PITPNM2: variants seen among roughly 807,000 people sequenced by gnomAD.
PITPNM2 encodes the protein phosphatidylinositol transfer protein membrane associated 2.
PITPNM2 carries 35 observed loss-of-function variants against 132.2 expected under a neutral mutation model. The ratio of observed to expected loss-of-function variants is 0.26; its 90% CI spans 0.20 to 0.35. The LOEUF is 0.35. Ranked by LOEUF, PITPNM2 falls within the 10% of genes least tolerant of loss-of-function variation. The pLI is 1.00. For missense variants in PITPNM2, 1,332 were observed against 1,912.0 expected, an observed-to-expected ratio of 0.70 and a Z score of 5.66; for synonymous variants, 738 against 799.2, an observed-to-expected ratio of 0.92 and a Z score of 1.29.
intron 23 of PITPNM2, 151 bp downstream of exon 23, chr12:122,987,130 G>A: frequency 8.8e-7 from 1 of 1,140,742 alleles, no homozygotes; most frequent in South Asian, 1.5e-5. Flanking sequence ...ATAATTGGGG[G>A]TGCTGGGCTC....
At chr12:123,047,126 G>A (rs1056293507) in intron 2 of PITPNM2, among the ~76,000 whole-genome samples, 51 of 152,176 alleles carry the variant, frequency 3.4e-4, no homozygotes, top group African/African-American at 1.2e-3. Context: ...AAATTTAAGC[G>A]GTATATTCCA....
rs979079312 is a variant in PITPNM2, at chr12:123,095,440, T to A, written c.-96+14945A>T. ...TACATCTCGATTTTACAGGCTCTGTTAAAGCGCAAAGATCTTTCAGGTACT... is the reference window on the plus strand; with the variant it reads ...TACATCTCGATTTTACAGGCTCTGTAAAAGCGCAAAGATCTTTCAGGTACT... On this transcript the variant is annotated intron_variant, in intron 2 of 25. Coordinates refer to ENST00000320201, the MANE Select transcript of PITPNM2 (RefSeq NM_020845.3). This position sits in a 1 kb window ranked among gnomAD's most constrained non-coding sequence, Gnocchi z 5.0. Among the ~76,000 whole-genome samples, 8 of 152,170 alleles carry A rather than the reference T, an allele frequency of 5.3e-5. No individual in the cohort carries two copies. The highest frequency in any genetic ancestry group is 1.2e-4 in the Non-Finnish European group (8 of 68,022).
At position 123,108,239 on chromosome 12, in the gene PITPNM2, C is replaced by A. The variant is rs796744377; in HGVS notation, c.-96+2146G>T. 1.4e-4 allele frequency among the ~76,000 whole-genome samples: 22 copies of A among 152,248 alleles called. No homozygotes were observed. The highest frequency in any genetic ancestry group is 5.3e-4 in the African/African-American group (22 of 41,542). ...ATACTTTATGGACAAATGAGTGGAG[C>A]AGAACAATTCCTGAAGACATTTTAG... On this transcript the variant is annotated intron_variant, in intron 2 of 25. Coordinates refer to ENST00000320201, the MANE Select transcript of PITPNM2 (RefSeq NM_020845.3). This position sits in a 1 kb window ranked among gnomAD's most constrained non-coding sequence, Gnocchi z 4.4.
chr12:122,994,773 C>T lies in PITPNM2; in HGVS notation c.2233+28G>A, dbSNP rs1442744866. On this transcript the variant is annotated intron_variant, in intron 15 of 25. Coordinates refer to ENST00000320201, the MANE Select transcript of PITPNM2 (RefSeq NM_020845.3). This position sits in a 1 kb window ranked among gnomAD's most constrained non-coding sequence, Gnocchi z 5.4. ...CGCCCCCGCACCCAGTGCATGTACC[C>T]CCCATCCTGCCCCTGCTGGGCTCTC... 6.3e-7 allele frequency: 1 copy of T among 1,597,554 alleles called. No individual in the cohort carries two copies. Among genetic ancestry groups the T allele is most frequent in the Non-Finnish European group, 8.5e-7 (1 of 1,174,606 alleles).
At chr12:123,057,031 G>A (rs1227654022) in intron 2 of PITPNM2, among the ~76,000 whole-genome samples, 1 of 152,172 alleles carries the variant, frequency 6.6e-6, no homozygotes, top group East Asian at 1.9e-4. Context: ...GTCTGAGTGT[G>A]TGTGAGAATT....
At chr12:123,081,251 A>T (rs920210928) in intron 2 of PITPNM2, 2 of 152,478 alleles carry the variant, frequency 1.3e-5, no homozygotes, top group Non-Finnish European at 2.9e-5. Flanking sequence ...AGGGAACAGC[A>T]TAGATACCAA....
At chr12:123,046,974 T>C (rs1311396313) in intron 2 of PITPNM2, among the ~76,000 whole-genome samples, 3 of 152,218 alleles carry the variant, frequency 2.0e-5, no homozygotes, top group South Asian at 2.1e-4. Flanking sequence ...TCAATTTATA[T>C]ACATATGCAC....
chr12:123,109,867 C>G (rs1366388513), intron 2 of PITPNM2, among the ~76,000 whole-genome samples: 2 of 152,208 alleles, frequency 1.3e-5, no homozygotes, highest in South Asian at 2.1e-4. Context: ...GGCAGAACAT[C>G]GGTCTTTCGT....
At chr12:123,147,614 G>A (rs979561916) in intron 1 of PITPNM2, among the ~76,000 whole-genome samples, 1 of 152,168 alleles carries the variant, frequency 6.6e-6, no homozygotes, top group African/African-American at 2.4e-5. Flanking sequence ...TAAATATGCT[G>A]ATGTTGAGGG....
Position 123,046,707 on chromosome 12 carries a change from T to G in PITPNM2, c.-95-12022A>C, listed in dbSNP as rs147040877. 1.3e-3 allele frequency among the ~76,000 whole-genome samples: 201 copies of G among 152,158 alleles called. 5 individuals carry two copies. In the East Asian group the frequency reaches 0.035, roughly 26 times the overall value. The stretch of plus-strand genomic sequence containing the variant: ...AGTCATACAATATGTGCTTTCTGTG[T>G]CTGGGCTTTTTCACTTGGCATCATG... On this transcript the variant is annotated intron_variant, in intron 2 of 25. Transcript: ENST00000320201.
rs1417711918 is a variant in PITPNM2 at position 122,984,846 on chromosome 12, G to A, written c.*1181C>T. The stretch of plus-strand genomic sequence containing the variant: ...AAGGTCACGCTTGGTGCTGGGGAGA[G>A]AGGGCAGACGGTCAGACCCAGCGTG... On this transcript the variant is annotated 3_prime_UTR_variant, in exon 26 of 26. Coordinates refer to ENST00000320201, the MANE Select transcript of PITPNM2 (RefSeq NM_020845.3). 2 of 152,334 alleles carry A rather than the reference G, an allele frequency of 1.3e-5. No homozygotes were observed. The highest frequency in any genetic ancestry group is 4.8e-5 in the African/African-American group (2 of 41,480). The allele number at this position is 152,334 out of a possible 1,614,324, so 9.4% of individuals were successfully genotyped here. A position where few individuals can be genotyped will look rare whatever the true frequency, so the allele number is the denominator to read the frequency against.
In PITPNM2 at chr12:123,009,851, G is replaced by A. The variant is rs200162860; in HGVS notation, c.642C>T (p.Thr214=). ...CCCACCTGGCATGGGTGTGCTCACC[G>A]GTGTCGTGGATGAACCTCTCGATCT... ...QSKIERFIHD[T]GLRRVMVRAH... Residue 214 remains threonine, a splice_region_variant and synonymous_variant, in exon 6 of 26, where the codon ACC becomes ACT. Coordinates refer to ENST00000320201, the MANE Select transcript of PITPNM2 (RefSeq NM_020845.3). This position sits in a 1 kb window ranked among gnomAD's most constrained non-coding sequence, Gnocchi z 4.8. 584 of 1,613,854 alleles carry A rather than the reference G, an allele frequency of 3.6e-4. 1 individual carries two copies. The highest frequency in any genetic ancestry group is 4.3e-4 in the Non-Finnish European group (507 of 1,179,848).
chr12:123,071,058 C>CT (rs534705838), intron 2 of PITPNM2, among the ~76,000 whole-genome samples: 1 of 152,326 alleles, frequency 6.6e-6, no homozygotes, highest in African/African-American at 2.4e-5. Flanking sequence ...GAAAGCTGCC[C>CT]TGGGTCTGCC....
chr12:123,151,540 G>T (rs187785291), upstream of PITPNM2, among the ~76,000 whole-genome samples: 285 of 152,304 alleles, frequency 1.9e-3, 7 homozygotes, highest in Admixed American at 0.015. Context: ...CCCGGGCGCG[G>T]TGCTCGCCAC....
chr12:122,994,668 T>G lies in PITPNM2; in HGVS notation c.2233+133A>C. The G allele has an allele frequency of 9.6e-7, 1 of 1,042,946 alleles. No homozygotes were observed. Among genetic ancestry groups the G allele is most frequent in the Non-Finnish European group, 1.3e-6 (1 of 747,676 alleles). The allele number at this position is 1,042,946 out of a possible 1,614,324, so 64.6% of individuals were successfully genotyped here. A position where few individuals can be genotyped will look rare whatever the true frequency, so the allele number is the denominator to read the frequency against. On this transcript the variant is annotated intron_variant, in intron 15 of 25. Transcript: ENST00000320201. The surrounding 1 kb of genome is among the most constrained non-coding windows in gnomAD (Gnocchi z 5.4). ...GGAGCAGAGGATAGCAAGGGGCCCT[T>G]GGTGGGGAAGACAGGAAGGAGGGCA...
At position 123,030,692 on chromosome 12, in the gene PITPNM2, C is replaced by CA. The variant is rs36106584; in HGVS notation, c.78+3820dup. ...TGGGCGACAGAGCGAGACTCCATCTCAAAAAAAAAAAAAAGAAAACAGATA... is the reference window on the plus strand; with the variant it reads ...TGGGCGACAGAGCGAGACTCCATCTCAAAAAAAAAAAAAAAGAAAACAGATA... On this transcript the variant is annotated intron_variant, in intron 3 of 25. Transcript: ENST00000320201. Among the ~76,000 whole-genome samples the CA allele has an allele frequency of 6.3e-3, 655 of 104,616 alleles. 3 individuals are homozygous for CA. The highest frequency in any genetic ancestry group is 7.2e-3 in the Non-Finnish European group (360 of 50,256). 68.6% of individuals were successfully genotyped at this position (104,616 alleles called of 152,430 possible).
Position 123,004,512 on chromosome 12 carries a change from G to C in PITPNM2, c.953-23C>G. ...TCGCTGGAAGGCAAAACCCCAGATT[G>C]ACCGCCAACTGGAGAGGAAGGGCCC... On this transcript the variant is annotated intron_variant, in intron 7 of 25. Transcript: ENST00000320201. The surrounding 1 kb of genome is among the most constrained non-coding windows in gnomAD (Gnocchi z 4.9). 1 of 1,611,694 alleles carries C rather than the reference G, an allele frequency of 6.2e-7. No homozygotes were observed. Among genetic ancestry groups the C allele is most frequent in the Non-Finnish European group, 8.5e-7 (1 of 1,178,572 alleles).
At chr12:123,151,323 C>A (rs2043746883), upstream of PITPNM2, among the ~76,000 whole-genome samples, 1 of 151,788 alleles carries the variant, frequency 6.6e-6, no homozygotes, top group African/African-American at 2.4e-5. Flanking sequence ...GGGCCCGGGA[C>A]TGGACTCGGG....
chr12:123,101,632 G>A (rs1327889323), intron 2 of PITPNM2, among the ~76,000 whole-genome samples: 1 of 152,126 alleles, frequency 6.6e-6, no homozygotes, highest in Non-Finnish European at 1.5e-5. Context: ...GTAAATGTTC[G>A]TCATGTGTTA....
Sources: gnomAD v4.1 joint callset for allele counts (sites outside exome capture counted in the v4.1 genomes callset) on GRCh38, gnomAD v4.1.1 for gene constraint, Gnocchi (gnomAD v3.1) non-coding constraint, MANE v1.5 for transcripts, NCBI Gene and HGNC (gene_info 2026-07-23, HGNC 2026-07-21) for gene names.